The following ARHGEF28 variants were observed in gnomAD, a reference collection of about 807,000 sequenced individuals.
The protein encoded by ARHGEF28 is Rho guanine nucleotide exchange factor 28.
A neutral mutation model predicts 206.6 loss-of-function variants in ARHGEF28; 152 were observed. The observed-to-expected ratio is 0.74, with a 90% CI of 0.64 to 0.84. The LOEUF (loss-of-function observed/expected upper bound fraction) is 0.84. Ranked by LOEUF, ARHGEF28 falls within the 40% of genes least tolerant of loss-of-function variation. ARHGEF28 has a pLI of 0.00. For synonymous variants in ARHGEF28, 763 were observed against 776.4 expected (o/e 0.98, Z 0.29); for missense variants, 2,028 against 2,073.2 (o/e 0.98, Z 0.42).
intron 22 of ARHGEF28, among the ~76,000 whole-genome samples, chr5:73,875,578 T>A (rs1278832120): frequency 7.9e-5 from 12 of 151,898 alleles, no homozygotes; most frequent in African/African-American, 2.7e-4. Flanking sequence ...CTTTAATCCA[T>A]CTTGAATTAA....
At chr5:73,923,545 G>A (rs1763637236) in intron 35 of ARHGEF28, among the ~76,000 whole-genome samples, 1 of 152,118 alleles carries the variant, frequency 6.6e-6, no homozygotes, top group Non-Finnish European at 1.5e-5. Flanking sequence ...TATTTGTCAG[G>A]TAAGAGATAC....
chr5:73,915,825 C>T (rs1378699788), intron 35 of ARHGEF28, among the ~76,000 whole-genome samples: 1 of 152,084 alleles, frequency 6.6e-6, no homozygotes. Flanking sequence ...TTTCTGTATG[C>T]CTCAATATTT....
At chr5:73,655,383 C>A (rs1170112139) in intron 1 of ARHGEF28, among the ~76,000 whole-genome samples, 1 of 152,128 alleles carries the variant, frequency 6.6e-6, no homozygotes, top group Non-Finnish European at 1.5e-5. Context: ...GAAATTATTT[C>A]TACATATCCT....
chr5:73,749,911 T>C lies in ARHGEF28; in HGVS notation c.108T>C (p.Tyr36=), dbSNP rs1751936917. 2 of 1,613,932 alleles carry C rather than the reference T, an allele frequency of 1.2e-6. No individual in the cohort carries two copies. The highest frequency in any genetic ancestry group is 1.7e-5 in the Admixed American group (1 of 60,004). ...LPEDAEFYFT[Y]DGSHQRHVMI... is the part of the protein sequence containing the mutation. Reference sequence around the variant, plus strand: ...AAGATGCTGAGTTTTACTTTACTTATGACGGATCTCATCAGCGACATGTCA... The same window carrying C: ...AAGATGCTGAGTTTTACTTTACTTACGACGGATCTCATCAGCGACATGTCA... Residue 36 remains tyrosine (Y), a synonymous_variant, in exon 3 of 36, where the codon TAT becomes TAC. Transcript: ENST00000513042.
chr5:73,873,117 C>T lies in ARHGEF28; in HGVS notation c.2685C>T (p.Pro895=), dbSNP rs1343272716. The T allele has an allele frequency of 6.2e-7, 1 of 1,613,014 alleles. No homozygotes were observed. The highest frequency in any genetic ancestry group is 8.5e-7 in the Non-Finnish European group (1 of 1,179,494). Residue 895 remains proline (P), a synonymous_variant, in exon 22 of 36, where the codon CCC becomes CCT. Coordinates refer to ENST00000513042, the MANE Select transcript of ARHGEF28 (RefSeq NM_001177693.2). ...ACAGCACCGTGGATAAAATTTTCCC[C>T]TGTTTAGATGAGTTGCTTGAAATCC... The part of the protein sequence containing the change: ...LDHSTVDKIF[P]CLDELLEIHR...
intron 2 of ARHGEF28, among the ~76,000 whole-genome samples, chr5:73,697,827 A>T (rs935036434): frequency 6.6e-6 from 1 of 152,198 alleles, no homozygotes; most frequent in African/African-American, 2.4e-5. Context: ...GTTTTCACAC[A>T]TTAGCCATTT....
chr5:73,835,834 C>G (rs1255801896), intron 10 of ARHGEF28, among the ~76,000 whole-genome samples: 4 of 152,018 alleles, frequency 2.6e-5, no homozygotes, highest in African/African-American at 9.7e-5. Flanking sequence ...GGACCAGACT[C>G]CATCTCCAGG....
chr5:73,901,195 G>C lies in ARHGEF28; in HGVS notation c.3985G>C (p.Gly1329Arg), dbSNP rs377053708. The change falls in exon 31 of 36, where the codon GGA (glycine) becomes CGA (arginine). Residue 1329 changes from glycine (G) to arginine (R), a missense_variant. Physicochemically the swap from Gly to Arg is moderately radical, Grantham distance 125. Coordinates refer to ENST00000513042, the MANE Select transcript of ARHGEF28 (RefSeq NM_001177693.2). ...TGGCGTGCTTCCAGCATTAGTCACAGGAGGGAGAGAAGGAAGAGGCTGTTC... is the reference window on the plus strand; with the variant it reads ...TGGCGTGCTTCCAGCATTAGTCACACGAGGGAGAGAAGGAAGAGGCTGTTC... ...PGSPTASLVT[G>R]GREGRGCSDV... is the part of the protein sequence containing the mutation. The C allele has an allele frequency of 8.1e-6, 13 of 1,613,128 alleles. No individual in the cohort carries two copies. The highest frequency in any genetic ancestry group is 9.3e-6 in the Non-Finnish European group (11 of 1,179,608).
intron 24 of ARHGEF28, among the ~76,000 whole-genome samples, chr5:73,885,207 C>T (rs1157861030): frequency 6.6e-6 from 1 of 152,024 alleles, no homozygotes; most frequent in Non-Finnish European, 1.5e-5. Flanking sequence ...GGCTTTGCCC[C>T]ACAGCTGGCT....
At chr5:73,931,853 C>T (rs745726057) in intron 35 of ARHGEF28, among the ~76,000 whole-genome samples, 19 of 152,082 alleles carry the variant, frequency 1.2e-4, no homozygotes, top group Non-Finnish European at 2.4e-4. Context: ...TTTGGATTGG[C>T]GTGGGATTGA....
chr5:73,935,114 C>T (rs1023973374), intron 35 of ARHGEF28, among the ~76,000 whole-genome samples: 3 of 152,176 alleles, frequency 2.0e-5, no homozygotes, highest in African/African-American at 7.2e-5. Context: ...TCTGTTTCTT[C>T]TCAGCATTGC....
chr5:73,758,773 G>C (rs992105826), intron 4 of ARHGEF28, among the ~76,000 whole-genome samples: 1 of 152,068 alleles, frequency 6.6e-6, no homozygotes. Flanking sequence ...GTCTGGTCTC[G>C]AACTCCTGAC....
intron 16 of ARHGEF28, among the ~76,000 whole-genome samples, chr5:73,860,842 C>T (rs768890405): frequency 3.4e-4 from 52 of 152,304 alleles, no homozygotes; most frequent in Non-Finnish European, 6.3e-4. Flanking sequence ...GCTCATTAGA[C>T]CCCTAGGCCC....
chr5:73,899,308 C>A (rs1762133091), intron 30 of ARHGEF28: 1 of 152,156 alleles, frequency 6.6e-6, no homozygotes, highest in African/African-American at 2.4e-5. Context: ...CTCAGCCTCG[C>A]CCCAGGGACA....
intron 1 of ARHGEF28, among the ~76,000 whole-genome samples, chr5:73,654,224 G>T (rs888769470): frequency 6.6e-6 from 1 of 152,150 alleles, no homozygotes; most frequent in African/African-American, 2.4e-5. Context: ...TTCACAATGG[G>T]GGATTTCCCC....
chr5:73,643,875 T>C (rs1744271700), intron 1 of ARHGEF28, among the ~76,000 whole-genome samples: 1 of 152,200 alleles, frequency 6.6e-6, no homozygotes, highest in African/African-American at 2.4e-5. Flanking sequence ...ATGCATTTTA[T>C]TTTGAGATTA....
At chr5:73,872,881 T>G in intron 21 of ARHGEF28, 118 bp from the exon 22 acceptor site, 2 of 1,177,238 alleles carry the variant, frequency 1.7e-6, no homozygotes, top group Non-Finnish European at 2.3e-6. Flanking sequence ...ATTCTTGATA[T>G]TCCTAAACAT....
chr5:73,642,392 A>T (rs1744174492), intron 1 of ARHGEF28, among the ~76,000 whole-genome samples: 1 of 152,124 alleles, frequency 6.6e-6, no homozygotes. Context: ...TTGGTCAATT[A>T]TGACTTCTCC....
At chr5:73,642,794 A>C (rs1159147549) in intron 1 of ARHGEF28, among the ~76,000 whole-genome samples, 1 of 152,166 alleles carries the variant, frequency 6.6e-6, no homozygotes, top group African/African-American at 2.4e-5. Context: ...GATTTTAGTT[A>C]GTTGGTTTTT....
Sources: allele counts gnomAD v4.1 joint callset (sites outside exome capture counted in the v4.1 genomes callset), GRCh38; gene constraint gnomAD v4.1.1; transcripts MANE v1.5; gene names NCBI Gene and HGNC (gene_info 2026-07-23, HGNC 2026-07-21).